DOK6: variants seen among roughly 807,000 people sequenced by gnomAD.
DOK6 encodes docking protein 6.
A neutral mutation model predicts 44.0 loss-of-function variants in DOK6; 22 were observed. The ratio of observed to expected loss-of-function variants is 0.50; its 90% confidence interval spans 0.36 to 0.71. The LOEUF is 0.71. DOK6 is among the 30% of genes least tolerant of loss of function. DOK6 has a pLI of 0.00. For missense variants in DOK6, 340 were observed against 416.4 expected (o/e 0.82, Z 1.60); for synonymous variants, 166 against 145.5 (o/e 1.14, Z -1.01).
chr18:69,485,348 A>G (rs866330538), intron 1 of DOK6, among the ~76,000 whole-genome samples: 2 of 152,180 alleles, frequency 1.3e-5, no homozygotes, highest in South Asian at 2.1e-4. Flanking sequence ...TCTTAGAAAT[A>G]TATTTTAATG....
intron 5 of DOK6, among the ~76,000 whole-genome samples, chr18:69,703,149 G>A (rs12966187): frequency 0.67 from 101,325 of 151,860 alleles, 34,219 homozygotes; most frequent in East Asian, 0.89. Context: ...ACTTTGTCTT[G>A]GCATTATCTC....
At chr18:69,621,950 T>C (rs1984453137) in intron 3 of DOK6, among the ~76,000 whole-genome samples, 1 of 152,224 alleles carries the variant, frequency 6.6e-6, no homozygotes, top group South Asian at 2.1e-4. Context: ...TTGTACTTGC[T>C]TCTTGGGAGA....
intron 1 of DOK6, among the ~76,000 whole-genome samples, chr18:69,473,030 A>G (rs1247209328): frequency 2.0e-5 from 3 of 152,234 alleles, no homozygotes; most frequent in African/African-American, 4.8e-5. Context: ...AGAGAAAAAC[A>G]TATTTTATGT....
rs1038411287 is a variant in DOK6 at position 69,841,494 on chromosome 18, G to T, written c.*111G>T. 5.5e-6 allele frequency: 8 copies of T among 1,452,216 alleles called. No individual in the cohort carries two copies. In the African/African-American group the frequency reaches 8.4e-5, roughly 15 times the overall value. The allele number at this position is 1,452,216 out of a possible 1,614,324, so 90.0% of individuals were successfully genotyped here. A position where few individuals can be genotyped will look rare whatever the true frequency, so the allele number is the denominator to read the frequency against. On this transcript the variant is annotated 3_prime_UTR_variant, in exon 8 of 8. Transcript: ENST00000382713. ...ATTGCAGTACAAATTGAAATGGGTC[G>T]GCTCTAGCCCCAGTCCCATTGGAAG...
At chr18:69,546,680 C>T (rs1012982296) in intron 1 of DOK6, among the ~76,000 whole-genome samples, 5 of 151,472 alleles carry the variant, frequency 3.3e-5, no homozygotes, top group Non-Finnish European at 7.4e-5. Context: ...TTTATTGGTA[C>T]ATAATATTTT....
intron 3 of DOK6, among the ~76,000 whole-genome samples, chr18:69,667,385 T>C (rs1364389661): frequency 1.3e-5 from 2 of 152,208 alleles, no homozygotes; most frequent in Non-Finnish European, 2.9e-5. Flanking sequence ...CTGTTTCTCT[T>C]CTCTCCTGCT....
intron 3 of DOK6, among the ~76,000 whole-genome samples, chr18:69,676,820 G>A (rs1023801374): frequency 1.3e-5 from 2 of 152,100 alleles, no homozygotes; most frequent in African/African-American, 2.4e-5. Flanking sequence ...TACCTCACTC[G>A]CACAGGGCTT....
intron 7 of DOK6, among the ~76,000 whole-genome samples, chr18:69,839,897 G>A (rs977251149): frequency 6.6e-6 from 1 of 152,228 alleles, no homozygotes; most frequent in South Asian, 2.1e-4. Context: ...GACGTGGACA[G>A]CAACAGAATC....
At chr18:69,608,344 A>G (rs1164410530) in intron 3 of DOK6, among the ~76,000 whole-genome samples, 1 of 152,170 alleles carries the variant, frequency 6.6e-6, no homozygotes, top group African/African-American at 2.4e-5. Flanking sequence ...TGTCTGGGCT[A>G]TTCTGTTCCA....
rs1411646835 is a variant in DOK6 at position 69,521,614 on chromosome 18, A to C, written c.67-42873A>C. On this transcript the variant is annotated intron_variant, in intron 1 of 7. Transcript: ENST00000382713. ...GTGGGGAATATCGATTTGAGGATTA[A>C]ATTTTTCCTTAATTCTTCTAGTAGA... 2.0e-5 allele frequency among the ~76,000 whole-genome samples: 3 copies of C among 151,952 alleles called. No individual in the cohort carries two copies. The East Asian group carries it at 5.8e-4, about 29-fold the overall frequency.
At chr18:69,404,316 T>C (rs1916156949) in intron 1 of DOK6, among the ~76,000 whole-genome samples, 1 of 152,176 alleles carries the variant, frequency 6.6e-6, no homozygotes, top group African/African-American at 2.4e-5. Context: ...CTGGGGAAGC[T>C]AGCAACCTGT....
intron 1 of DOK6, among the ~76,000 whole-genome samples, chr18:69,491,803 G>A (rs1174736634): frequency 6.6e-6 from 1 of 152,130 alleles, no homozygotes; most frequent in African/African-American, 2.4e-5. Context: ...AGGTTGCCCA[G>A]GAATGTTTCT....
intron 5 of DOK6, among the ~76,000 whole-genome samples, chr18:69,736,659 T>G (rs2144735818): frequency 6.6e-6 from 1 of 152,344 alleles, no homozygotes; most frequent in South Asian, 2.1e-4. Flanking sequence ...CTGTAACACC[T>G]ATGTTTTAGC....
chr18:69,783,250 C>T (rs2145091359), intron 7 of DOK6, among the ~76,000 whole-genome samples: 1 of 152,286 alleles, frequency 6.6e-6, no homozygotes, highest in Middle Eastern at 3.4e-3. Context: ...ATAACCATTG[C>T]CACACATGGC....
intron 7 of DOK6, among the ~76,000 whole-genome samples, chr18:69,827,124 A>C (rs1599347527): frequency 6.6e-6 from 1 of 152,140 alleles, no homozygotes; most frequent in Non-Finnish European, 1.5e-5. Context: ...CCATTGAATG[A>C]GCTTCCAAAC....
At chr18:69,738,087 G>A (rs1200480923) in intron 5 of DOK6, among the ~76,000 whole-genome samples, 2 of 152,108 alleles carry the variant, frequency 1.3e-5, no homozygotes, top group African/African-American at 4.8e-5. Context: ...GGCTCTATAG[G>A]GCCCTAAGGG....
intron 5 of DOK6, among the ~76,000 whole-genome samples, chr18:69,699,757 G>A (rs1401251295): frequency 6.6e-6 from 1 of 152,166 alleles, no homozygotes; most frequent in Non-Finnish European, 1.5e-5. Context: ...CTATGAAAAT[G>A]AGTTGACATG....
intron 1 of DOK6, among the ~76,000 whole-genome samples, chr18:69,556,313 C>G (rs1482853758): frequency 6.6e-6 from 1 of 152,086 alleles, no homozygotes; most frequent in Non-Finnish European, 1.5e-5. Flanking sequence ...GCAATTCTCT[C>G]TGGCTGAAAT....
At position 69,422,431 on chromosome 18, in the gene DOK6, A is replaced by C. The variant is rs550955150; in HGVS notation, c.66+21121A>C. Reference sequence around the variant, plus strand: ...TATTTTACTCCAGGCCAATGAGTCTAAATAGAATATATTCTGTTCCCTCCT... The same window carrying C: ...TATTTTACTCCAGGCCAATGAGTCTCAATAGAATATATTCTGTTCCCTCCT... On this transcript the variant is annotated intron_variant, in intron 1 of 7. Coordinates refer to ENST00000382713, the MANE Select transcript of DOK6 (RefSeq NM_152721.6). Among the ~76,000 whole-genome samples the C allele has an allele frequency of 3.9e-5, 6 of 152,350 alleles. No homozygotes were observed. The East Asian group carries it at 5.8e-4, about 15-fold the overall frequency.
Sources: allele counts gnomAD v4.1 joint callset (sites outside exome capture counted in the v4.1 genomes callset), GRCh38; gene constraint gnomAD v4.1.1; transcripts MANE v1.5; gene names NCBI Gene and HGNC (gene_info 2026-07-23, HGNC 2026-07-21).